Variants in PRR16 observed in about 807,000 individuals in gnomAD.
PRR16 encodes proline rich 16.
PRR16 carries 6 observed loss-of-function variants against 18.2 expected under a neutral mutation model. The ratio of observed to expected loss-of-function variants is 0.33; its 90% CI spans 0.18 to 0.65. The LOEUF (loss-of-function observed/expected upper bound fraction) is 0.65. PRR16 is among the 30% of genes least tolerant of loss of function. The probability of loss-of-function intolerance (pLI) is 0.74; values close to 1 mark genes in which losing one functional copy is unlikely to be tolerated. For synonymous variants in PRR16, 151 were observed against 147.8 expected (o/e 1.02, Z -0.16); for missense variants, 412 against 376.6 (o/e 1.09, Z -0.78).
At chr5:120,712,297 T>A in the PRR16 span, among the ~76,000 whole-genome samples, 1 of 152,150 alleles carries the variant, frequency 6.6e-6, no homozygotes, top group Non-Finnish European at 1.5e-5. Context: ...ACAATACTAT[T>A]AACTATGGTT....
At chr5:120,595,689 T>TA (rs1753776869) in intron 1 of PRR16, among the ~76,000 whole-genome samples, 1 of 151,926 alleles carries the variant, frequency 6.6e-6, no homozygotes, top group Admixed American at 6.6e-5. Context: ...AAATAAAAGT[T>TA]AAAAAAATTC....
chr5:120,522,909 C>T (rs1218223246), intron 1 of PRR16, among the ~76,000 whole-genome samples: 1 of 152,196 alleles, frequency 6.6e-6, no homozygotes, highest in Non-Finnish European at 1.5e-5. Flanking sequence ...AGCCACCACA[C>T]CCGGCCCAAA....
the PRR16 span, among the ~76,000 whole-genome samples, chr5:120,776,018 TG>T: frequency 6.6e-6 from 1 of 152,026 alleles, no homozygotes; most frequent in Non-Finnish European, 1.5e-5. Flanking sequence ...ACTGTCTACA[TG>T]GTAACATCCT....
chr5:120,476,439 C>T (rs17490270), intron 1 of PRR16, among the ~76,000 whole-genome samples: 15,580 of 152,146 alleles, frequency 0.1, 962 homozygotes, highest in South Asian at 0.17. Flanking sequence ...CAGTTATTCC[C>T]TGGTTGTGCA....
intron 1 of PRR16, among the ~76,000 whole-genome samples, chr5:120,475,244 T>C (rs1403674283): frequency 1.3e-5 from 2 of 152,204 alleles, no homozygotes; most frequent in Non-Finnish European, 2.9e-5. Flanking sequence ...CTGAAGTCCA[T>C]GACCTGCTTC....
At chr5:120,720,046 A>G in the PRR16 span, among the ~76,000 whole-genome samples, 85,954 of 151,860 alleles carry the variant, frequency 0.57, 28,037 homozygotes, top group Non-Finnish European at 0.74. Context: ...GGCCCAAAGT[A>G]GAGCACACAT....
chr5:120,629,743 TTTG>T (rs202214680), intron 1 of PRR16, among the ~76,000 whole-genome samples: 2 of 85,548 alleles, frequency 2.3e-5, no homozygotes, highest in Non-Finnish European at 6.9e-5. Flanking sequence ...GAAGACTCTG[TTTG>T]TTTTTTTGAA....
chr5:120,561,583 T>C (rs1752576852), intron 1 of PRR16, among the ~76,000 whole-genome samples: 1 of 152,158 alleles, frequency 6.6e-6, no homozygotes, highest in African/African-American at 2.4e-5. Flanking sequence ...AAAGAATGTG[T>C]ATTCTGTAGC....
intron 1 of PRR16, among the ~76,000 whole-genome samples, chr5:120,634,682 A>G (rs1755169448): frequency 6.6e-6 from 1 of 152,092 alleles, no homozygotes; most frequent in Non-Finnish European, 1.5e-5. Flanking sequence ...AACAGATAGT[A>G]TAAGGTCAGA....
chr5:120,755,521 T>C, the PRR16 span, among the ~76,000 whole-genome samples: 1 of 152,140 alleles, frequency 6.6e-6, no homozygotes, highest in South Asian at 2.1e-4. Flanking sequence ...CTTAGGATAA[T>C]GATCTCTAGC....
chr5:120,585,308 G>C (rs1278436841), intron 1 of PRR16, among the ~76,000 whole-genome samples: 2 of 152,066 alleles, frequency 1.3e-5, no homozygotes, highest in Non-Finnish European at 2.9e-5. Flanking sequence ...TTTTCTGTTT[G>C]GTTTAGAATT....
At chr5:120,671,571 A>C (rs1181563488) in intron 1 of PRR16, among the ~76,000 whole-genome samples, 1 of 152,190 alleles carries the variant, frequency 6.6e-6, no homozygotes, top group African/African-American at 2.4e-5. Flanking sequence ...ATACTAAGAT[A>C]ATTTAAGCAA....
the PRR16 span, among the ~76,000 whole-genome samples, chr5:120,700,637 T>G: frequency 6.6e-6 from 1 of 150,986 alleles, no homozygotes. Context: ...GGCACCAGAG[T>G]TGGGGAGTTT....
the PRR16 span, among the ~76,000 whole-genome samples, chr5:120,745,409 C>G: frequency 6.6e-6 from 1 of 152,110 alleles, no homozygotes; most frequent in Non-Finnish European, 1.5e-5. Context: ...GCAGCATCCA[C>G]TCTTTCTCAT....
At chr5:120,543,619 T>TA (rs1431568829) in intron 1 of PRR16, among the ~76,000 whole-genome samples, 7 of 152,208 alleles carry the variant, frequency 4.6e-5, no homozygotes, top group Non-Finnish European at 7.4e-5. Context: ...AAGAACAGAA[T>TA]AATGATTGCT....
chr5:120,598,783 G>A (rs1006704921), intron 1 of PRR16, among the ~76,000 whole-genome samples: 1 of 151,880 alleles, frequency 6.6e-6, no homozygotes, highest in East Asian at 1.9e-4. Flanking sequence ...TGGCTGTGTA[G>A]TATTCTATGG....
the PRR16 span, among the ~76,000 whole-genome samples, chr5:120,734,826 C>T: frequency 3.1e-4 from 47 of 152,078 alleles, no homozygotes; most frequent in Non-Finnish European, 6.0e-4. Context: ...TATTGAATAT[C>T]GGTACAAATC....
At chr5:120,504,892 G>T (rs536445716) in intron 1 of PRR16, among the ~76,000 whole-genome samples, 1 of 152,268 alleles carries the variant, frequency 6.6e-6, no homozygotes, top group South Asian at 2.1e-4. Context: ...TGTAGGCAAA[G>T]AAATGCCTTG....
chr5:120,561,530 C>G (rs946822180), intron 1 of PRR16, among the ~76,000 whole-genome samples: 2 of 151,996 alleles, frequency 1.3e-5, no homozygotes, highest in Non-Finnish European at 2.9e-5. Context: ...GTTTTGTTCC[C>G]TAACATACAG....
Sources: gnomAD v4.1 joint callset for allele counts (sites outside exome capture counted in the v4.1 genomes callset) on GRCh38, gnomAD v4.1.1 for gene constraint, MANE v1.5 for transcripts, NCBI Gene and HGNC (gene_info 2026-07-23, HGNC 2026-07-21) for gene names.